The following JMJD1C variants were observed in gnomAD, a reference collection of about 807,000 sequenced individuals.
The protein encoded by JMJD1C is jumonji domain containing 1C.
Under a neutral mutation model 245.3 loss-of-function variants are expected in JMJD1C, and 31 were observed. The observed-to-expected ratio is 0.13, with a 90% confidence interval of 0.09 to 0.17. The LOEUF (loss-of-function observed/expected upper bound fraction) is 0.17. Ranked by LOEUF, JMJD1C falls within the 10% of genes least tolerant of loss-of-function variation. The probability of loss-of-function intolerance (pLI) is 1.00; values close to 1 mark genes in which losing one functional copy is unlikely to be tolerated. For missense variants in JMJD1C, 2,691 were observed against 3,000.2 expected (o/e 0.90, Z 2.41); for synonymous variants, 1,057 against 1,017.4 (o/e 1.04, Z -0.74).
chr10:63,211,842 AAAAAAC>A lies in JMJD1C; in HGVS notation c.2694+1625_2694+1630del, dbSNP rs1847388658. Among the ~76,000 whole-genome samples the A allele has an allele frequency of 1.3e-5, 2 of 150,680 alleles. 1 individual carries two copies. The highest frequency in any genetic ancestry group is 4.2e-4 in the South Asian group (2 of 4,814). On this transcript the variant is annotated intron_variant, in intron 8 of 25. Transcript: ENST00000399262. ...CTGTCTCAAAAAAAAAAAAAAAAAAAAAAAACCCCACAAAAAAACAAAAAAACCACC... is the reference window on the plus strand; with the variant it reads ...CTGTCTCAAAAAAAAAAAAAAAAAAACCCACAAAAAAACAAAAAAACCACC...
chr10:63,173,304 A>C (rs1236105869), intron 24 of JMJD1C, among the ~76,000 whole-genome samples: 1 of 152,228 alleles, frequency 6.6e-6, no homozygotes, highest in Non-Finnish European at 1.5e-5. Context: ...AGGACCTCAA[A>C]CTATAATGGT....
chr10:63,456,630 C>T (rs1952433056), intron 1 of JMJD1C, among the ~76,000 whole-genome samples: 1 of 152,076 alleles, frequency 6.6e-6, no homozygotes, highest in African/African-American at 2.4e-5. Flanking sequence ...TCACACAGAC[C>T]TCTTCTAGCT....
intron 24 of JMJD1C, among the ~76,000 whole-genome samples, chr10:63,174,181 T>C (rs1842658529): frequency 6.6e-6 from 1 of 152,220 alleles, no homozygotes; most frequent in Non-Finnish European, 1.5e-5. Context: ...AATCCCACCA[T>C]TCAGTATTTA....
rs118079335 is a variant in JMJD1C, at chr10:63,307,656, T to C, written c.334-42892A>G. On this transcript the variant is annotated intron_variant, in intron 2 of 25. Coordinates refer to ENST00000399262, the MANE Select transcript of JMJD1C (RefSeq NM_032776.3). Reference sequence around the variant, plus strand: ...AGACTGGCACTGGGGGCTAAGGAAGTAGAGGGCTAAAAAGCAAAGAGGATT... The same window carrying C: ...AGACTGGCACTGGGGGCTAAGGAAGCAGAGGGCTAAAAAGCAAAGAGGATT... Among the ~76,000 whole-genome samples the C allele has an allele frequency of 8.9e-4, 135 of 151,766 alleles. 1 individual carries two copies. The East Asian group carries it at 0.024, about 28-fold the overall frequency.
intron 3 of JMJD1C, 114 bp downstream of exon 3, chr10:63,264,535 TCA>T: frequency 1.8e-6 from 1 of 569,214 alleles, no homozygotes; most frequent in South Asian, 2.4e-5. Context: ...ATTGGGTTTT[TCA>T]CACAACTAGA....
At position 63,214,157 on chromosome 10, in the gene JMJD1C, T is replaced by C. The variant is rs746334497; in HGVS notation, c.2010A>G (p.Glu670=). The change falls in exon 8 of 26, where the codon GAA becomes GAG. Residue 670 remains glutamate, a synonymous_variant. Coordinates refer to ENST00000399262, the MANE Select transcript of JMJD1C (RefSeq NM_032776.3). The part of the protein sequence containing the change: ...ATYVNSQATG[E]RRLANKIEHE... Reference sequence around the variant, plus strand: ...GTTCTATCTTATTTGCCAATCTTCTTTCACCAGTAGCTTGGCTGTTCACAT... The same window carrying C: ...GTTCTATCTTATTTGCCAATCTTCTCTCACCAGTAGCTTGGCTGTTCACAT... The C allele has an allele frequency of 6.2e-7, 1 of 1,614,206 alleles. No individual in the cohort carries two copies. The highest frequency in any genetic ancestry group is 8.5e-7 in the Non-Finnish European group (1 of 1,180,036).
chr10:63,204,360 A>G (rs1846359047), intron 10 of JMJD1C: 1 of 985,296 alleles, frequency 1.0e-6, no homozygotes, highest in Admixed American at 6.1e-5. Flanking sequence ...CCCTTTTCTT[A>G]GAACTCTTAC....
intron 2 of JMJD1C, among the ~76,000 whole-genome samples, chr10:63,339,592 G>A (rs562253155): frequency 6.6e-6 from 1 of 151,306 alleles, no homozygotes; most frequent in African/African-American, 2.4e-5. Context: ...AGACCAGCCT[G>A]GGCAACATAG....
At chr10:63,235,771 T>C (rs1352948577) in intron 3 of JMJD1C, among the ~76,000 whole-genome samples, 1 of 152,178 alleles carries the variant, frequency 6.6e-6, no homozygotes. Context: ...CTGTCTAATG[T>C]CAAAGCACTT....
intron 13 of JMJD1C, 36 bp from the exon 14 acceptor site, chr10:63,194,411 G>A (rs529058211): frequency 7.6e-7 from 1 of 1,308,160 alleles, no homozygotes; most frequent in East Asian, 2.3e-5. Context: ...CACACTCATG[G>A]TTTCATAATT....
At chr10:63,513,283 C>CCTTT (rs1321224610) in intron 1 of JMJD1C, among the ~76,000 whole-genome samples, 1 of 152,102 alleles carries the variant, frequency 6.6e-6, no homozygotes, top group Admixed American at 6.6e-5. Flanking sequence ...TGGATGCCTA[C>CCTTT]CTTTACCATA....
At chr10:63,169,029 A>G (rs1281031948) in intron 24 of JMJD1C, among the ~76,000 whole-genome samples, 1 of 152,220 alleles carries the variant, frequency 6.6e-6, no homozygotes, top group Admixed American at 6.5e-5. Flanking sequence ...AAACTTTGTT[A>G]GGAACTGGGA....
At chr10:63,434,027 C>G (rs1389280081) in intron 1 of JMJD1C, among the ~76,000 whole-genome samples, 1 of 151,856 alleles carries the variant, frequency 6.6e-6, no homozygotes, top group African/African-American at 2.4e-5. Flanking sequence ...ATAAACGTAT[C>G]AAGAGAAATC....
intron 1 of JMJD1C, among the ~76,000 whole-genome samples, chr10:63,472,018 G>A (rs867953925): frequency 2.6e-5 from 4 of 152,080 alleles, no homozygotes; most frequent in Non-Finnish European, 5.9e-5. Context: ...AAGCCTGGGC[G>A]ACAGAGTGAG....
chr10:63,422,629 G>A (rs537064729), intron 1 of JMJD1C, among the ~76,000 whole-genome samples: 2 of 152,068 alleles, frequency 1.3e-5, no homozygotes, highest in African/African-American at 4.8e-5. Context: ...AACATTAAAC[G>A]TACTGGACTT....
intron 3 of JMJD1C, among the ~76,000 whole-genome samples, chr10:63,243,124 T>TATATATATAA (rs1491362612): frequency 5.8e-5 from 5 of 85,740 alleles, no homozygotes; most frequent in African/African-American, 8.8e-5. Flanking sequence ...TATATATATA[T>TATATATATAA]AAATATATAT....
chr10:63,314,956 G>GTTTTTTTTTTTTTTTTTTTTT (rs71025156), intron 2 of JMJD1C, among the ~76,000 whole-genome samples: 1 of 133,466 alleles, frequency 7.5e-6, no homozygotes. Context: ...AGCCTTTTTT[G>GTTTTTTTTTTTTTTTTTTTTT]TTTTTTTTTT....
chr10:63,356,631 C>T (rs1944868613), intron 2 of JMJD1C, among the ~76,000 whole-genome samples: 1 of 152,120 alleles, frequency 6.6e-6, no homozygotes, highest in South Asian at 2.1e-4. Flanking sequence ...GCATTTCATT[C>T]ACAAGGCTGT....
chr10:63,463,190 G>T (rs889393947), intron 1 of JMJD1C, among the ~76,000 whole-genome samples: 2 of 151,900 alleles, frequency 1.3e-5, no homozygotes, highest in African/African-American at 4.8e-5. Context: ...TTAGAGACAG[G>T]ATCTCACTCT....
Sources: gnomAD v4.1 joint callset for allele counts (sites outside exome capture counted in the v4.1 genomes callset) on GRCh38, gnomAD v4.1.1 for gene constraint, MANE v1.5 for transcripts, NCBI Gene and HGNC (gene_info 2026-07-23, HGNC 2026-07-21) for gene names.